SRC: variants seen among roughly 807,000 people sequenced by gnomAD.
SRC encodes the protein SRC proto-oncogene, non-receptor tyrosine kinase.
Under a neutral mutation model 62.9 loss-of-function variants are expected in SRC, and 13 were observed. That is an observed-to-expected ratio of 0.21 (90% CI 0.13 to 0.33). SRC has a LOEUF of 0.33. SRC is among the 10% of genes least tolerant of loss of function. SRC has a pLI of 1.00. For synonymous variants in SRC, 302 were observed against 317.5 expected (o/e 0.95, Z 0.52); for missense variants, 457 against 737.3 (o/e 0.62, Z 4.40).
At chr20:37,364,330 C>A (rs923455690) in intron 1 of SRC, among the ~76,000 whole-genome samples, 2 of 152,170 alleles carry the variant, frequency 1.3e-5, no homozygotes, top group Non-Finnish European at 1.5e-5. Context: ...AAATCAGAGC[C>A]CACCACAGAG....
intron 1 of SRC, among the ~76,000 whole-genome samples, chr20:37,364,076 CATTGGGGTACTGTT>C (rs1046105695): frequency 2.0e-5 from 3 of 152,114 alleles, no homozygotes; most frequent in African/African-American, 7.2e-5. Context: ...TCTCCCCTGC[CATTGGGGTACTGTT>C]ATCAGGAGGC....
intron 2 of SRC, among the ~76,000 whole-genome samples, chr20:37,379,499 G>C (rs902216380): frequency 2.6e-5 from 4 of 151,798 alleles, no homozygotes; most frequent in African/African-American, 9.7e-5. Context: ...CTGAGTCATC[G>C]AGTGAAGAGC....
chr20:37,398,875 G>GA lies in SRC; in HGVS notation c.859+1022dup, dbSNP rs1272870089. Among the ~76,000 whole-genome samples, 3 of 152,368 alleles carry GA rather than the reference G, an allele frequency of 2.0e-5. No individual in the cohort carries two copies. The East Asian group carries it at 5.8e-4, about 29-fold the overall frequency. Reference sequence around the variant, plus strand: ...GTCGACTCATGAAGTGCCACATGCAGATGGCCTGAGCCAGCAGGGCCACAG... The same window carrying GA: ...GTCGACTCATGAAGTGCCACATGCAGAATGGCCTGAGCCAGCAGGGCCACAG... On this transcript the variant is annotated intron_variant, in intron 9 of 13. Coordinates refer to ENST00000373578, the MANE Select transcript of SRC (RefSeq NM_198291.3). The surrounding 1 kb of genome is among the most constrained non-coding windows in gnomAD (Gnocchi z 5.2).
At chr20:37,379,281 G>A (rs762607220) in intron 2 of SRC, among the ~76,000 whole-genome samples, 17 of 152,098 alleles carry the variant, frequency 1.1e-4, no homozygotes, top group Admixed American at 2.6e-4. Flanking sequence ...CTTGACCCCC[G>A]CAAGGGTCTA....
chr20:37,392,460 C>A (rs1451696638), intron 5 of SRC, among the ~76,000 whole-genome samples: 1 of 152,202 alleles, frequency 6.6e-6, no homozygotes, highest in African/African-American at 2.4e-5. Flanking sequence ...TGACTGTAGG[C>A]AAGGGCCTTT....
rs1174057896 is a variant in SRC, at chr20:37,396,256, C to T, written c.648C>T (p.Tyr216=). The part of the protein sequence containing the change: ...KIRKLDSGGF[Y]ITSRTQFNSL... Reference sequence around the variant, plus strand: ...GCAAGCTGGACAGCGGCGGCTTCTACATCACCTCCCGCACCCAGTTCAACA... The same window carrying T: ...GCAAGCTGGACAGCGGCGGCTTCTATATCACCTCCCGCACCCAGTTCAACA... Residue 216 remains tyrosine (Y), a synonymous_variant, in exon 8 of 14, where the codon TAC becomes TAT. Transcript: ENST00000373578. The surrounding 1 kb of genome is among the most constrained non-coding windows in gnomAD (Gnocchi z 6.1). 6.2e-7 allele frequency: 1 copy of T among 1,613,870 alleles called. No homozygotes were observed. The highest frequency in any genetic ancestry group is 8.5e-7 in the Non-Finnish European group (1 of 1,179,994).
intron 5 of SRC, among the ~76,000 whole-genome samples, chr20:37,388,389 G>A (rs1046608935): frequency 4.6e-5 from 7 of 152,220 alleles, no homozygotes; most frequent in African/African-American, 1.7e-4. Context: ...ATTGGGAGAT[G>A]GGGGTGGGTG....
At position 37,384,266 on chromosome 20, in the gene SRC, C is replaced by T. The variant is rs777533514; in HGVS notation, c.113C>T (p.Pro38Leu). The T allele has an allele frequency of 1.3e-6, 2 of 1,552,126 alleles. No homozygotes were observed. Among genetic ancestry groups the T allele is most frequent in the Non-Finnish European group, 8.6e-7 (1 of 1,158,826 alleles). ...GGCGCTTTCCCCGCCTCGCAGACCC[C>T]CAGCAAGCCAGCCTCGGCCGACGGC... ...GGGAFPASQT[P>L]SKPASADGHR... The change falls in exon 4 of 14, where the codon CCC (proline) becomes CTC (leucine). Residue 38 changes from proline to leucine, a missense_variant. This residue lies in a region of SRC where 132 missense variants were observed against 135.4 expected (regional missense o/e 0.98). Coordinates refer to ENST00000373578, the MANE Select transcript of SRC (RefSeq NM_198291.3). This position sits in a 1 kb window ranked among gnomAD's most constrained non-coding sequence, Gnocchi z 6.7.
chr20:37,371,290 A>G (rs1254968581), intron 2 of SRC, among the ~76,000 whole-genome samples: 2 of 152,040 alleles, frequency 1.3e-5, no homozygotes, highest in African/African-American at 2.4e-5. Context: ...CACCGTGCCC[A>G]GCCTATTTCT....
intron 2 of SRC, among the ~76,000 whole-genome samples, chr20:37,372,169 C>CAT (rs1555796207): frequency 1.7e-4 from 25 of 143,666 alleles, no homozygotes; most frequent in African/African-American, 7.1e-4. Flanking sequence ...GACGATTTTT[C>CAT]GTGTGTGTGT....
At position 37,382,109 on chromosome 20, in the gene SRC, A is replaced by G. The variant is rs79768596; in HGVS notation, c.-172-510A>G. On this transcript the variant is annotated intron_variant, in intron 2 of 13. Coordinates refer to ENST00000373578, the MANE Select transcript of SRC (RefSeq NM_198291.3). The stretch of plus-strand genomic sequence containing the variant: ...CAGTCAGGGGGCCTTTTCCCCACTC[A>G]TGGGTTCTCAGAGGAAATTCTGGAC... Among the ~76,000 whole-genome samples the G allele has an allele frequency of 5.1e-3, 769 of 152,224 alleles. 9 individuals carry two copies. Among genetic ancestry groups the G allele is most frequent in the African/African-American group, 0.018 (738 of 41,534 alleles).
intron 1 of SRC, among the ~76,000 whole-genome samples, chr20:37,356,833 G>A (rs548397381): frequency 8.5e-5 from 13 of 152,304 alleles, no homozygotes; most frequent in African/African-American, 3.1e-4. Context: ...AGCCGTGGCT[G>A]TTGGCACTGG....
At position 37,393,860 on chromosome 20, in the gene SRC, C is replaced by T. The variant is rs776655060; in HGVS notation, c.351-35C>T. On this transcript the variant is annotated intron_variant, in intron 5 of 13. Coordinates refer to ENST00000373578, the MANE Select transcript of SRC (RefSeq NM_198291.3). ...CACCGGGCTTGTGGCTGACGGCTCC[C>T]TTCTCCTTTCCTCCCTCCTTCTGTC... The T allele has an allele frequency of 3.9e-6, 6 of 1,550,280 alleles. No individual in the cohort carries two copies. In the African/African-American group the frequency reaches 5.4e-5, roughly 14 times the overall value.
chr20:37,363,950 A>T (rs2070021134), intron 1 of SRC, among the ~76,000 whole-genome samples: 1 of 151,876 alleles, frequency 6.6e-6, no homozygotes, highest in Non-Finnish European at 1.5e-5. Flanking sequence ...CGGCTCTCCC[A>T]TCAGGGAGAG....
intron 2 of SRC, among the ~76,000 whole-genome samples, chr20:37,371,479 G>A (rs6018100): frequency 0.23 from 35,139 of 151,734 alleles, 5,265 homozygotes; most frequent in African/African-American, 0.43. Context: ...TTCTTGTTCA[G>A]TGTAGCTAAA....
At position 37,402,289 on chromosome 20, in the gene SRC, G is replaced by T; in HGVS notation, c.1117-146G>T. ...ACTGCTCCTGCTTTCGATGCCAACA[G>T]CATTTACTGTGAACTGACCTCACTT... On this transcript the variant is annotated intron_variant, in intron 11 of 13. Coordinates refer to ENST00000373578, the MANE Select transcript of SRC (RefSeq NM_198291.3). This position sits in a 1 kb window ranked among gnomAD's most constrained non-coding sequence, Gnocchi z 6.2. The T allele has an allele frequency of 1.1e-6, 1 of 945,856 alleles. No individual in the cohort carries two copies. The highest frequency in any genetic ancestry group is 1.6e-6 in the Non-Finnish European group (1 of 636,556). The allele number at this position is 945,856 out of a possible 1,614,324, so 58.6% of individuals were successfully genotyped here.
In SRC at chr20:37,403,510, C is replaced by G; in HGVS notation, c.*131C>G. On this transcript the variant is annotated 3_prime_UTR_variant, in exon 14 of 14. Transcript: ENST00000373578. The surrounding 1 kb of genome is among the most constrained non-coding windows in gnomAD (Gnocchi z 7.1). ...GGGGCTGAATTGCCAGGGGCGAGGC[C>G]CTTCCTCTTTGGTGGCATGGAAGGG... 1 of 1,102,980 alleles carries G rather than the reference C, an allele frequency of 9.1e-7. No homozygotes were observed. The highest frequency in any genetic ancestry group is 1.3e-6 in the Non-Finnish European group (1 of 791,242). 68.3% of individuals were successfully genotyped at this position (1,102,980 alleles called of 1,614,324 possible).
At chr20:37,390,880 G>C (rs1339520344) in intron 5 of SRC, among the ~76,000 whole-genome samples, 1 of 152,164 alleles carries the variant, frequency 6.6e-6, no homozygotes, top group African/African-American at 2.4e-5. Context: ...CTCTAAATCA[G>C]GGGCCAGGCT....
chr20:37,400,925 T>C (rs1043219165), intron 10 of SRC, among the ~76,000 whole-genome samples: 2 of 152,166 alleles, frequency 1.3e-5, no homozygotes, highest in Non-Finnish European at 2.9e-5. Context: ...TATAAATTTG[T>C]TTTGTTTATT....
Sources: allele counts gnomAD v4.1 joint callset (sites outside exome capture counted in the v4.1 genomes callset), GRCh38; gene constraint gnomAD v4.1.1; regional missense constraint gnomAD v4.1.1; non-coding constraint Gnocchi (gnomAD v3.1); transcripts MANE v1.5; gene names NCBI Gene and HGNC (gene_info 2026-07-23, HGNC 2026-07-21).